Variants in PLOD1 observed in about 807,000 individuals in gnomAD.
PLOD1 encodes the protein lysine hydroxylase.
A neutral mutation model predicts 94.7 loss-of-function variants in PLOD1; 70 were observed. That is an observed-to-expected ratio of 0.74 (90% CI 0.61 to 0.90). The LOEUF (loss-of-function observed/expected upper bound fraction) is 0.90, where lower values mean the gene tolerates loss of function less well. PLOD1 is among the 40% of genes least tolerant of loss of function. PLOD1 has a pLI of 0.00. For synonymous variants in PLOD1, 417 were observed against 400.2 expected, an observed-to-expected ratio of 1.04 and a Z score of -0.50; for missense variants, 905 against 972.7, an observed-to-expected ratio of 0.93 and a Z score of 0.93.
intron 1 of PLOD1, among the ~76,000 whole-genome samples, chr1:11,935,932 G>A (rs538398438): frequency 1.3e-5 from 2 of 151,730 alleles, no homozygotes; most frequent in Admixed American, 6.6e-5. Flanking sequence ...CGGTTCAAGC[G>A]ACTCCTGTAC....
intron 1 of PLOD1, among the ~76,000 whole-genome samples, chr1:11,945,446 C>G (rs545961753): frequency 2.7e-5 from 4 of 150,596 alleles, no homozygotes; most frequent in African/African-American, 9.8e-5. Context: ...ACCCAAAAAA[C>G]AAAAACAAGA....
Position 11,963,525 on chromosome 1 carries a change from C to G in PLOD1, c.1098-7C>G. ...GGTGCACTGACCCTGTGTCCTCCTC[C>G]TTGCAGAGACCTGTGCCGGCAGGAC... On this transcript the variant is annotated splice_region_variant and splice_polypyrimidine_tract_variant and intron_variant, in intron 10 of 18. Transcript: ENST00000196061. This position sits in a 1 kb window ranked among gnomAD's most constrained non-coding sequence, Gnocchi z 4.3. 6.3e-7 allele frequency: 1 copy of G among 1,583,194 alleles called. No individual in the cohort carries two copies. The highest frequency in any genetic ancestry group is 8.6e-7 in the Non-Finnish European group (1 of 1,162,540).
In PLOD1 at chr1:11,963,918, G is replaced by A. The variant is rs534570357; in HGVS notation, c.1203-257G>A. 6.6e-6 allele frequency among the ~76,000 whole-genome samples: 1 copy of A among 151,654 alleles called. No homozygotes were observed. The highest frequency in any genetic ancestry group is 1.9e-4 in the East Asian group (1 of 5,158). On this transcript the variant is annotated intron_variant, in intron 11 of 18. Transcript: ENST00000196061. The surrounding 1 kb of genome is among the most constrained non-coding windows in gnomAD (Gnocchi z 4.3). ...GCCTCACCTATTACCCAGAGCTGTGGATCCCCAGCCTGATACCCCAGGTTC... is the reference window on the plus strand; with the variant it reads ...GCCTCACCTATTACCCAGAGCTGTGAATCCCCAGCCTGATACCCCAGGTTC...
chr1:11,937,516 T>C (rs1359223947), intron 1 of PLOD1, among the ~76,000 whole-genome samples: 3 of 152,220 alleles, frequency 2.0e-5, no homozygotes, highest in Non-Finnish European at 4.4e-5. Flanking sequence ...AGCCCTGTTG[T>C]GGCCTAGTTT....
Position 11,964,277 on chromosome 1 carries a change from G to C in PLOD1, c.1305G>C (p.Val435=). 2.5e-6 allele frequency: 4 copies of C among 1,573,240 alleles called. No homozygotes were observed. Among genetic ancestry groups the C allele is most frequent in the Non-Finnish European group, 3.5e-6 (4 of 1,154,772 alleles). Residue 435 remains valine, a synonymous_variant, in exon 12 of 19, where the codon GTG becomes GTC. Coordinates refer to ENST00000196061, the MANE Select transcript of PLOD1 (RefSeq NM_000302.4). ...ACTATGCCCGTTCCGAGGACTACGT[G>C]GACATTGTGCAGGGGCGGCGTGTGT... is the stretch of plus-strand genomic sequence containing the variant. ...DGYYARSEDY[V]DIVQGRRVGV...
intron 9 of PLOD1, among the ~76,000 whole-genome samples, chr1:11,960,361 T>G (rs1259734073): frequency 6.6e-6 from 1 of 152,192 alleles, no homozygotes; most frequent in African/African-American, 2.4e-5. Flanking sequence ...ATCAACAATG[T>G]CTCTGGATGT....
rs199908943 is a variant in PLOD1 at position 11,960,596 on chromosome 1, C to T, written c.976-50C>T. 13 of 1,326,444 alleles carry T rather than the reference C, an allele frequency of 9.8e-6. No homozygotes were observed. The East Asian group carries it at 1.6e-4, about 16-fold the overall frequency. 82.2% of individuals were successfully genotyped at this position (1,326,444 alleles called of 1,614,324 possible). On this transcript the variant is annotated intron_variant, in intron 9 of 18. Transcript: ENST00000196061. ...AGGTGCTACAGTCCCTGGGTGGAAG[C>T]TGTGTCCTCCTCCTCACCCCCGCAT...
intron 4 of PLOD1, 37 bp downstream of exon 4, chr1:11,950,557 A>G (rs775998637): frequency 6.2e-7 from 1 of 1,603,822 alleles, no homozygotes; most frequent in South Asian, 1.1e-5. Flanking sequence ...GGCCCAGCAG[A>G]GGGGTCCATC....
At chr1:11,962,279 T>C (rs369332379) in intron 10 of PLOD1, among the ~76,000 whole-genome samples, 20 of 138,720 alleles carry the variant, frequency 1.4e-4, no homozygotes, top group African/African-American at 2.2e-4. Context: ...GTTTTCTTTT[T>C]TTTTTTTTTT....
At position 11,972,959 on chromosome 1, in the gene PLOD1, A is replaced by G. The variant is rs1487304416; in HGVS notation, c.1990A>G (p.Ile664Val). The change falls in exon 18 of 19, where the codon ATC becomes GTC. Residue 664 changes from isoleucine (I) to valine (V), a missense_variant. Transcript: ENST00000196061. This position sits in a 1 kb window ranked among gnomAD's most constrained non-coding sequence, Gnocchi z 4.6. Reference sequence around the variant, plus strand: ...ACACCATGATGCCTCCACCTTCACCATCAACATCGCCCTGAACCGAGTCGG... The same window carrying G: ...ACACCATGATGCCTCCACCTTCACCGTCAACATCGCCCTGAACCGAGTCGG... ...MPHHDASTFT[I>V]NIALNRVGVD... 36 of 1,613,940 alleles carry G rather than the reference A, an allele frequency of 2.2e-5. No individual in the cohort carries two copies. Among genetic ancestry groups the G allele is most frequent in the Non-Finnish European group, 3.0e-5 (35 of 1,179,994 alleles).
intron 1 of PLOD1, among the ~76,000 whole-genome samples, chr1:11,941,624 C>T (rs191300439): frequency 5.7e-4 from 87 of 152,024 alleles, no homozygotes; most frequent in African/African-American, 1.1e-3. Context: ...GGATTATAGG[C>T]GCCTGCCACC....
At chr1:11,959,838 G>C (rs529281210) in intron 9 of PLOD1, among the ~76,000 whole-genome samples, 2 of 151,250 alleles carry the variant, frequency 1.3e-5, no homozygotes, top group Non-Finnish European at 2.9e-5. Flanking sequence ...GGATGGTCTC[G>C]ATCTCCTGAC....
At position 11,970,895 on chromosome 1, in the gene PLOD1, T is replaced by C. The variant is rs921256246; in HGVS notation, c.1902+79T>C. The C allele has an allele frequency of 1.4e-5, 18 of 1,293,792 alleles. 1 individual carries two copies. In the South Asian group the frequency reaches 2.2e-4, roughly 16 times the overall value. 80.1% of individuals were successfully genotyped at this position (1,293,792 alleles called of 1,614,324 possible). On this transcript the variant is annotated intron_variant, in intron 17 of 18. Transcript: ENST00000196061. ...GTGGAGTGGCTGGGACTGGTGGGGG[T>C]AGGGTGGGAGGTGGAGAAACTGGGA...
At chr1:11,955,469 G>C (rs1645731951) in intron 6 of PLOD1, among the ~76,000 whole-genome samples, 1 of 152,180 alleles carries the variant, frequency 6.6e-6, no homozygotes, top group Non-Finnish European at 1.5e-5. Context: ...TCCACTGATT[G>C]CTGATTTTGT....
Position 11,947,980 on chromosome 1 carries a change from C to T in PLOD1, c.81C>T (p.Asn27=). The T allele has an allele frequency of 3.7e-6, 6 of 1,609,434 alleles. No homozygotes were observed. The highest frequency in any genetic ancestry group is 5.1e-6 in the Non-Finnish European group (6 of 1,175,720). Reference sequence around the variant, plus strand: ...CATACCCTCCTCTGTCTGCAGACAACCTTTTAGTCCTCACGGTGGCCACTA... The same window carrying T: ...CATACCCTCCTCTGTCTGCAGACAATCTTTTAGTCCTCACGGTGGCCACTA... ...EAKGDAKPED[N]LLVLTVATKE... Residue 27 remains asparagine (N), a synonymous_variant, in exon 2 of 19, where the codon AAC becomes AAT. Coordinates refer to ENST00000196061, the MANE Select transcript of PLOD1 (RefSeq NM_000302.4).
intron 5 of PLOD1, chr1:11,954,177 T>TC: frequency 5.5e-5 from 7 of 127,684 alleles, no homozygotes; most frequent in South Asian, 4.3e-4. Context: ...GTGTAGAATA[T>TC]TTGGAGTAGC....
chr1:11,959,365 T>C (rs949361756), intron 9 of PLOD1, among the ~76,000 whole-genome samples: 2 of 152,054 alleles, frequency 1.3e-5, no homozygotes, highest in African/African-American at 4.8e-5. Context: ...ACTGTTGTCA[T>C]CTTCACTTCC....
intron 1 of PLOD1, among the ~76,000 whole-genome samples, chr1:11,947,236 C>CAAA (rs58975312): frequency 1.6e-5 from 2 of 124,436 alleles, no homozygotes; most frequent in African/African-American, 5.8e-5. Flanking sequence ...GATGCTGTCT[C>CAAA]AAAAAAAAAA....
Position 11,948,005 on chromosome 1 carries a change from A to G in PLOD1, c.106A>G (p.Lys36Glu). The G allele has an allele frequency of 1.2e-6, 2 of 1,613,660 alleles. No homozygotes were observed. Among genetic ancestry groups the G allele is most frequent in the African/African-American group, 2.7e-5 (2 of 75,028 alleles). ...DNLLVLTVAT[K>E]ETEGFRRFKR... Reference sequence around the variant, plus strand: ...CCTTTTAGTCCTCACGGTGGCCACTAAGGAGACCGAGGGATTCCGTCGCTT... The same window carrying G: ...CCTTTTAGTCCTCACGGTGGCCACTGAGGAGACCGAGGGATTCCGTCGCTT... The change falls in exon 2 of 19, where the codon AAG becomes GAG. Residue 36 changes from lysine (K) to glutamate (E), a missense_variant. Transcript: ENST00000196061.
Sources: allele counts gnomAD v4.1 joint callset (sites outside exome capture counted in the v4.1 genomes callset), GRCh38; gene constraint gnomAD v4.1.1; non-coding constraint Gnocchi (gnomAD v3.1); transcripts MANE v1.5; gene names NCBI Gene and HGNC (gene_info 2026-07-23, HGNC 2026-07-21).